CASD1: variants seen among roughly 807,000 people sequenced by gnomAD.
CASD1 encodes CAS1 domain sialic acid O acetyltransferase 1, also known as N-acetylneuraminate (7)9-O-acetyltransferase.
CASD1 carries 41 observed loss-of-function variants against 100.0 expected under a neutral mutation model. That is an observed-to-expected ratio of 0.41 (90% confidence interval 0.32 to 0.53). The LOEUF is 0.53. Ranked by LOEUF, CASD1 falls within the 20% of genes least tolerant of loss-of-function variation. CASD1 has a pLI of 0.25. For synonymous variants in CASD1, 321 were observed against 315.6 expected, an observed-to-expected ratio of 1.02 and a Z score of -0.18; for missense variants, 774 against 948.7, an observed-to-expected ratio of 0.82 and a Z score of 2.42.
chr7:94,550,165 G>T (rs1177844518), intron 14 of CASD1, among the ~76,000 whole-genome samples: 2 of 152,142 alleles, frequency 1.3e-5, no homozygotes, highest in Admixed American at 6.6e-5. Context: ...TGATCTTGAA[G>T]AAAGGTTAAG....
chr7:94,629,668 A>G, the CASD1 span: 5 of 1,591,442 alleles, frequency 3.1e-6, no homozygotes, highest in Non-Finnish European at 4.3e-6. Flanking sequence ...ATGCAAATTA[A>G]ACAAAAAATT....
chr7:94,629,745 C>T, the CASD1 span: 1 of 1,611,006 alleles, frequency 6.2e-7, no homozygotes, highest in Non-Finnish European at 8.5e-7. Flanking sequence ...TGGAAATTCC[C>T]CCTTAAAATA....
the CASD1 span, among the ~76,000 whole-genome samples, chr7:94,579,613 T>C: frequency 6.6e-6 from 1 of 152,154 alleles, no homozygotes; most frequent in African/African-American, 2.4e-5. Flanking sequence ...CTGGCAAATA[T>C]CCAACTTCAT....
rs769602415 is a variant in CASD1 at position 94,554,617 on chromosome 7, T to C, written c.2127+42T>C. ...TTTGCTTATCTTACACAGCCAGGTG[T>C]TTCATGTTTGTGTATGTACGTGTGT... On this transcript the variant is annotated intron_variant, in intron 17 of 17. Transcript: ENST00000297273. 2.7e-5 allele frequency: 35 copies of C among 1,310,120 alleles called. No homozygotes were observed. The Admixed American group carries it at 6.0e-4, about 22-fold the overall frequency. The allele number at this position is 1,310,120 out of a possible 1,614,324, so 81.2% of individuals were successfully genotyped here.
the CASD1 span, among the ~76,000 whole-genome samples, chr7:94,586,080 A>AC: frequency 3.3e-5 from 5 of 150,532 alleles, no homozygotes; most frequent in African/African-American, 1.2e-4. Flanking sequence ...AAAAAAAAAA[A>AC]AAAAAAACAA....
chr7:94,536,833 T>C (rs925336398), intron 8 of CASD1, among the ~76,000 whole-genome samples: 2 of 152,202 alleles, frequency 1.3e-5, no homozygotes, highest in African/African-American at 4.8e-5. Context: ...TTTATTATAA[T>C]CAAACCATGT....
chr7:94,614,389 A>G, the CASD1 span, among the ~76,000 whole-genome samples: 4 of 152,170 alleles, frequency 2.6e-5, no homozygotes, highest in Non-Finnish European at 5.9e-5. Flanking sequence ...AAATTTTAGT[A>G]TCAACCATTT....
At chr7:94,605,274 A>G in the CASD1 span, among the ~76,000 whole-genome samples, 2 of 152,164 alleles carry the variant, frequency 1.3e-5, no homozygotes, top group African/African-American at 4.8e-5. Flanking sequence ...TTTGCAAGAA[A>G]TGTTAAAATA....
At chr7:94,528,068 T>C (rs1794663171) in intron 4 of CASD1, 120 bp from the exon 5 acceptor site, 1 of 696,122 alleles carries the variant, frequency 1.4e-6, no homozygotes, top group Non-Finnish European at 2.5e-6. Context: ...ATTGAAGATG[T>C]CTTGGACAAG....
chr7:94,613,114 G>A, the CASD1 span, among the ~76,000 whole-genome samples: 1 of 152,172 alleles, frequency 6.6e-6, no homozygotes, highest in East Asian at 1.9e-4. Flanking sequence ...CATTATACCA[G>A]TTTAAAAACA....
intron 3 of CASD1, among the ~76,000 whole-genome samples, chr7:94,520,010 G>C (rs1794183395): frequency 6.6e-6 from 1 of 152,158 alleles, no homozygotes; most frequent in Non-Finnish European, 1.5e-5. Flanking sequence ...CAACACTTAG[G>C]TTTCCAGTTT....
chr7:94,510,873 T>C (rs1481000697), intron 1 of CASD1, among the ~76,000 whole-genome samples: 1 of 152,194 alleles, frequency 6.6e-6, no homozygotes, highest in Non-Finnish European at 1.5e-5. Context: ...AGTGCACACT[T>C]TTTACAAAGT....
chr7:94,525,639 A>C (rs1198077343), intron 3 of CASD1, among the ~76,000 whole-genome samples: 1 of 152,190 alleles, frequency 6.6e-6, no homozygotes, highest in Non-Finnish European at 1.5e-5. Flanking sequence ...AAATTTTTAA[A>C]AGGTTGAGGA....
At chr7:94,534,159 A>ATT (rs56864121) in intron 7 of CASD1, among the ~76,000 whole-genome samples, 239 of 100,472 alleles carry the variant, frequency 2.4e-3, no homozygotes, top group Non-Finnish European at 3.0e-3. Flanking sequence ...CTGTTTCATA[A>ATT]TTTTTTTTTT....
the CASD1 span, chr7:94,594,457 G>A: frequency 1.3e-5 from 2 of 152,038 alleles, no homozygotes; most frequent in African/African-American, 2.4e-5. Flanking sequence ...CATGACTGTC[G>A]AGGTCATGGG....
chr7:94,608,285 G>T, the CASD1 span, among the ~76,000 whole-genome samples: 2 of 152,130 alleles, frequency 1.3e-5, no homozygotes, highest in Non-Finnish European at 1.5e-5. Flanking sequence ...GCAGTGAGCC[G>T]AGATTGTGCC....
intron 12 of CASD1, among the ~76,000 whole-genome samples, chr7:94,546,615 AAC>A (rs1399277453): frequency 5.3e-5 from 8 of 151,954 alleles, no homozygotes; most frequent in Non-Finnish European, 1.2e-4. Context: ...ATAAACTTTT[AAC>A]ACATAATTTT....
the CASD1 span, chr7:94,618,581 C>A: frequency 1.7e-6 from 1 of 587,406 alleles, no homozygotes; most frequent in African/African-American, 1.9e-5. Flanking sequence ...ATATAAAAAA[C>A]CACTAACACA....
At position 94,546,684 on chromosome 7, in the gene CASD1, T is replaced by G. The variant is rs116157457; in HGVS notation, c.1634-412T>G. On this transcript the variant is annotated intron_variant, in intron 12 of 17. Coordinates refer to ENST00000297273, the MANE Select transcript of CASD1 (RefSeq NM_022900.5). ...TTAAACTCTAATCCATTAGGGGGTT[T>G]AAGCTTTCTCCTTGGAACTTTAATG... is the stretch of plus-strand genomic sequence containing the variant. Among the ~76,000 whole-genome samples the G allele has an allele frequency of 6.5e-3, 992 of 152,098 alleles. 10 individuals are homozygous for G. The highest frequency in any genetic ancestry group is 0.023 in the African/African-American group (958 of 41,564).
Sources: allele counts gnomAD v4.1 joint callset (sites outside exome capture counted in the v4.1 genomes callset), GRCh38; gene constraint gnomAD v4.1.1; transcripts MANE v1.5; gene names NCBI Gene and HGNC (gene_info 2026-07-23, HGNC 2026-07-21).